The following CEP128 variants were observed in gnomAD, a reference collection of about 807,000 sequenced individuals.
CEP128 encodes centrosomal protein 128kDa.
A neutral mutation model predicts 156.7 loss-of-function variants in CEP128; 132 were observed. The observed-to-expected ratio is 0.84, with a 90% CI of 0.73 to 0.97. The LOEUF (loss-of-function observed/expected upper bound fraction) is 0.97, where lower values mean the gene tolerates loss of function less well. Ranked by LOEUF, CEP128 falls within the 50% of genes least tolerant of loss-of-function variation. CEP128 has a pLI of 0.00. For synonymous variants in CEP128, 469 were observed against 448.9 expected, an observed-to-expected ratio of 1.04 and a Z score of -0.57; for missense variants, 1,252 against 1,281.9, an observed-to-expected ratio of 0.98 and a Z score of 0.36.
chr14:80,796,704 C>T (rs910140523), intron 13 of CEP128, among the ~76,000 whole-genome samples: 10 of 152,126 alleles, frequency 6.6e-5, no homozygotes, highest in Admixed American at 2.6e-4. Context: ...ACAATACCCT[C>T]GGTAGATGAG....
intron 9 of CEP128, among the ~76,000 whole-genome samples, chr14:80,848,633 C>A (rs1886729058): frequency 6.6e-6 from 1 of 150,694 alleles, no homozygotes. Context: ...GCACTCCAGC[C>A]TGGGAGACAG....
At chr14:80,813,010 A>G (rs1884649869) in intron 13 of CEP128, among the ~76,000 whole-genome samples, 1 of 152,134 alleles carries the variant, frequency 6.6e-6, no homozygotes, top group Non-Finnish European at 1.5e-5. Flanking sequence ...GGCCATGTGC[A>G]TGTCTTCTTT....
At chr14:80,849,062 G>C (rs894675449) in intron 9 of CEP128, among the ~76,000 whole-genome samples, 2 of 152,138 alleles carry the variant, frequency 1.3e-5, no homozygotes, top group African/African-American at 4.8e-5. Context: ...GTAGTGGTAG[G>C]AAATGAACAG....
At chr14:80,808,632 C>T (rs1312077361) in intron 13 of CEP128, among the ~76,000 whole-genome samples, 1 of 152,160 alleles carries the variant, frequency 6.6e-6, no homozygotes, top group Non-Finnish European at 1.5e-5. Flanking sequence ...GCTCGGCCCA[C>T]CATTGCCACT....
At chr14:80,728,886 C>T (rs1898121440) in intron 19 of CEP128, among the ~76,000 whole-genome samples, 1 of 152,058 alleles carries the variant, frequency 6.6e-6, no homozygotes, top group Admixed American at 6.6e-5. Flanking sequence ...CTATATTTTT[C>T]CTCTTTTAAC....
Position 80,497,502 on chromosome 14 carries a change from TGG to T in CEP128, c.3260_3261del (p.Pro1087GlnfsTer13). 1 of 1,612,174 alleles carries T rather than the reference TGG, an allele frequency of 6.2e-7. No homozygotes were observed. The highest frequency in any genetic ancestry group is 8.5e-7 in the Non-Finnish European group (1 of 1,178,656). On this transcript the variant is annotated frameshift_variant, in exon 25 of 25. Transcript: ENST00000555265. LOFTEE classifies it high-confidence loss of function. ...TTTTAGCTCCCATATTCCTCTTTTT[TGG>T]GTTGTGAACTTGTTCCATTCATTGT... ...DATMNGTSSQ[P>X]KKEEYGS
chr14:80,488,802 C>T (rs1959484568), downstream of CEP128, among the ~76,000 whole-genome samples: 2 of 119,978 alleles, frequency 1.7e-5, no homozygotes, highest in South Asian at 5.4e-4. Flanking sequence ...TACTATGCAG[C>T]CATAAAAAAT....
intron 23 of CEP128, among the ~76,000 whole-genome samples, chr14:80,513,561 A>G (rs1205672765): frequency 1.3e-5 from 2 of 151,554 alleles, no homozygotes; most frequent in African/African-American, 4.8e-5. Flanking sequence ...TTCTACTCTA[A>G]TCTCTCTCTC....
intron 16 of CEP128, among the ~76,000 whole-genome samples, chr14:80,771,049 T>C (rs913729866): frequency 3.9e-5 from 6 of 152,196 alleles, no homozygotes; most frequent in South Asian, 2.1e-4. Flanking sequence ...CCTAAACAGA[T>C]GGTTAAATTA....
intron 19 of CEP128, among the ~76,000 whole-genome samples, chr14:80,645,989 T>C (rs1363502340): frequency 6.6e-6 from 1 of 152,114 alleles, no homozygotes; most frequent in Non-Finnish European, 1.5e-5. Flanking sequence ...TTGTATGATA[T>C]TTAGAAAAGG....
intron 23 of CEP128, among the ~76,000 whole-genome samples, chr14:80,507,538 C>T (rs930125194): frequency 1.3e-5 from 2 of 152,146 alleles, no homozygotes; most frequent in African/African-American, 4.8e-5. Flanking sequence ...TGCTAGAAAT[C>T]TCCACTGAAT....
intron 19 of CEP128, 57 bp from the exon 20 acceptor site, chr14:80,580,480 TATC>T: frequency 1.9e-6 from 2 of 1,025,982 alleles, no homozygotes; most frequent in Non-Finnish European, 3.0e-6. Flanking sequence ...AGTTGCCTCT[TATC>T]ATCAAATGCA....
At chr14:80,488,585 A>C (rs912546640), downstream of CEP128, among the ~76,000 whole-genome samples, 11 of 152,040 alleles carry the variant, frequency 7.2e-5, no homozygotes, top group Non-Finnish European at 1.2e-4. Flanking sequence ...GTGATTCCTC[A>C]GGGATCTAGA....
chr14:80,515,712 C>G (rs907648692), intron 23 of CEP128, among the ~76,000 whole-genome samples: 3 of 152,088 alleles, frequency 2.0e-5, no homozygotes, highest in African/African-American at 7.2e-5. Flanking sequence ...GCCCAAGCTG[C>G]AAGACAAAGT....
chr14:80,643,877 T>C (rs949782029), intron 19 of CEP128, among the ~76,000 whole-genome samples: 5 of 152,118 alleles, frequency 3.3e-5, no homozygotes, highest in Admixed American at 6.5e-5. Flanking sequence ...AACTCCCAAA[T>C]TTCATGTCTA....
Position 80,784,991 on chromosome 14 carries a change from C to G in CEP128, c.2115G>C (p.Gln705His), listed in dbSNP as rs776707452. 1 of 1,614,138 alleles carries G rather than the reference C, an allele frequency of 6.2e-7. No individual in the cohort carries two copies. Among genetic ancestry groups the G allele is most frequent in the Non-Finnish European group, 8.5e-7 (1 of 1,179,976 alleles). The change falls in exon 15 of 25, where the codon CAG (glutamine) becomes CAC (histidine). Residue 705 changes from glutamine (Q) to histidine (H), a missense_variant. Coordinates refer to ENST00000555265, the MANE Select transcript of CEP128 (RefSeq NM_152446.5). ...RELKDLTSSLQSVKTKHEQNI... is the reference protein window; with the variant it reads ...RELKDLTSSLHSVKTKHEQNI... ...TCTGTTCGTGTTTTGTTTTCACACTCTGCAATGATGATGTGAGATCTTTCA... is the reference window on the plus strand; with the variant it reads ...TCTGTTCGTGTTTTGTTTTCACACTGTGCAATGATGATGTGAGATCTTTCA...
chr14:80,756,967 C>G lies in CEP128; in HGVS notation c.2554-16G>C. ...ATGAAAAAACCTACAAAAGAGAAAA[C>G]AGTCGATTAGAAATACATTTTTCTC... On this transcript the variant is annotated splice_polypyrimidine_tract_variant and intron_variant, in intron 17 of 24. Coordinates refer to ENST00000555265, the MANE Select transcript of CEP128 (RefSeq NM_152446.5). 2 of 1,529,712 alleles carry G rather than the reference C, an allele frequency of 1.3e-6. No homozygotes were observed. Among genetic ancestry groups the G allele is most frequent in the South Asian group, 2.3e-5 (2 of 87,416 alleles). The allele number at this position is 1,529,712 out of a possible 1,614,324, so 94.8% of individuals were successfully genotyped here.
At chr14:80,863,872 T>C (rs967809417) in intron 8 of CEP128, among the ~76,000 whole-genome samples, 4 of 152,176 alleles carry the variant, frequency 2.6e-5, no homozygotes, top group African/African-American at 7.2e-5. Flanking sequence ...AATTTTATGG[T>C]GCATTATAGC....
intron 2 of CEP128, among the ~76,000 whole-genome samples, chr14:80,935,969 TACAC>T (rs1885784115): frequency 6.6e-6 from 1 of 152,160 alleles, no homozygotes. Flanking sequence ...AAAGCTTTCT[TACAC>T]ACAGACATCT....
Sources: allele counts gnomAD v4.1 joint callset (sites outside exome capture counted in the v4.1 genomes callset), GRCh38; gene constraint gnomAD v4.1.1; transcripts MANE v1.5; gene names NCBI Gene and HGNC (gene_info 2026-07-23, HGNC 2026-07-21).